Variants in KCNN2 observed in about 807,000 individuals in gnomAD.
KCNN2 encodes potassium calcium-activated channel subfamily N member 2.
Under a neutral mutation model 55.5 loss-of-function variants are expected in KCNN2, and 24 were observed. The ratio of observed to expected loss-of-function variants is 0.43; its 90% CI spans 0.31 to 0.61. The LOEUF is 0.61. Ranked by LOEUF, KCNN2 falls within the 20% of genes least tolerant of loss-of-function variation. The pLI is 0.08. For missense variants in KCNN2, 754 were observed against 853.6 expected (o/e 0.88, Z 1.45); for synonymous variants, 431 against 336.1 (o/e 1.28, Z -3.09).
In KCNN2 at chr5:114,230,718, A is replaced by C. The variant is rs1754342551; in HGVS notation, c.-185+9153A>C. On this transcript the variant is annotated intron_variant, in intron 2 of 10. Coordinates refer to the KCNN2 transcript ENST00000512097. ...TTTGGGTTGGTTCCAAGTCTTTGCT[A>C]TTGTGAATACTGCCGCAATAAACAT... Among the ~76,000 whole-genome samples the C allele has an allele frequency of 7.9e-5, 3 of 37,956 alleles. 1 individual carries two copies. Among genetic ancestry groups the C allele is most frequent in the Non-Finnish European group, 1.7e-4 (3 of 17,632 alleles). The allele number at this position is 37,956 out of a possible 152,430, so 24.9% of individuals were successfully genotyped here.
intron 4 of KCNN2, 100 bp downstream of exon 4, chr5:114,463,290 C>G (rs1048238756): frequency 2.3e-6 from 2 of 875,492 alleles, no homozygotes; most frequent in African/African-American, 1.7e-5. Context: ...ACTTCTTTTC[C>G]CATCAGCAGG....
At chr5:114,258,667 G>T (rs1269097475) in intron 2 of KCNN2, among the ~76,000 whole-genome samples, 1 of 152,146 alleles carries the variant, frequency 6.6e-6, no homozygotes. Context: ...GCCTGATCGG[G>T]CAGGAATGTG....
At chr5:114,454,722 T>C (rs981010878) in intron 3 of KCNN2, among the ~76,000 whole-genome samples, 1 of 152,190 alleles carries the variant, frequency 6.6e-6, no homozygotes, top group Non-Finnish European at 1.5e-5. Context: ...CTATCTCCTG[T>C]GAGTTGTCTG....
At chr5:114,454,539 C>A (rs1270271611) in intron 3 of KCNN2, among the ~76,000 whole-genome samples, 1 of 152,134 alleles carries the variant, frequency 6.6e-6, no homozygotes, top group South Asian at 2.1e-4. Flanking sequence ...GAAAAATATT[C>A]TTTCTCTGTA....
chr5:114,200,651 A>AT (rs1031502768), intron 1 of KCNN2, among the ~76,000 whole-genome samples: 179 of 133,376 alleles, frequency 1.3e-3, no homozygotes, highest in East Asian at 5.7e-3. Context: ...CACTCGTTCC[A>AT]TTTTTTTTTT....
At chr5:114,075,797 A>G (rs1227314053) in intron 1 of KCNN2, among the ~76,000 whole-genome samples, 2 of 152,170 alleles carry the variant, frequency 1.3e-5, no homozygotes, top group African/African-American at 2.4e-5. Flanking sequence ...GTCTTTTGCT[A>G]TGCTGCAGAC....
chr5:114,173,397 T>C (rs1254470596), intron 1 of KCNN2, among the ~76,000 whole-genome samples: 4 of 151,648 alleles, frequency 2.6e-5, no homozygotes, highest in Non-Finnish European at 5.9e-5. Context: ...TTGTTCAGGA[T>C]AGCTTTGGCT....
At chr5:114,274,435 C>T (rs577157134) in intron 2 of KCNN2, among the ~76,000 whole-genome samples, 160 of 152,236 alleles carry the variant, frequency 1.1e-3, no homozygotes, top group African/African-American at 3.8e-3. Flanking sequence ...GCAGTAAGGC[C>T]ATTTTCATGA....
chr5:114,462,080 C>A (rs1761228518), intron 3 of KCNN2, among the ~76,000 whole-genome samples: 1 of 152,122 alleles, frequency 6.6e-6, no homozygotes. Flanking sequence ...AGAGCAGGGC[C>A]TCTCTGCCCC....
At chr5:114,317,869 C>T (rs530856440) in intron 2 of KCNN2, among the ~76,000 whole-genome samples, 7 of 152,338 alleles carry the variant, frequency 4.6e-5, no homozygotes, top group African/African-American at 7.2e-5. Context: ...CCGCAGGCAA[C>T]GTGCCTGCCC....
intron 4 of KCNN2, among the ~76,000 whole-genome samples, chr5:114,466,614 C>T (rs992870633): frequency 2.0e-5 from 3 of 151,860 alleles, no homozygotes; most frequent in Non-Finnish European, 4.4e-5. Flanking sequence ...TAAGGTTGCT[C>T]ATTTGTTCTT....
intron 2 of KCNN2, among the ~76,000 whole-genome samples, chr5:114,235,334 A>C (rs1230904745): frequency 3.9e-5 from 6 of 152,234 alleles, no homozygotes; most frequent in Admixed American, 6.5e-5. Context: ...AATGCAATTA[A>C]GTTTCCATGG....
chr5:114,375,855 C>T (rs1305791358), intron 2 of KCNN2, among the ~76,000 whole-genome samples: 1 of 150,518 alleles, frequency 6.6e-6, no homozygotes, highest in East Asian at 2.0e-4. Context: ...AGCAACAACA[C>T]AATTCAGGGA....
intron 3 of KCNN2, among the ~76,000 whole-genome samples, chr5:114,445,847 A>G (rs934872185): frequency 1.3e-5 from 2 of 152,234 alleles, no homozygotes; most frequent in Non-Finnish European, 2.9e-5. Flanking sequence ...TTTGGAAAGC[A>G]ATGCATCCCA....
intron 2 of KCNN2, among the ~76,000 whole-genome samples, chr5:114,377,680 T>C (rs3112766): frequency 0.14 from 20,890 of 152,110 alleles, 2,430 homozygotes; most frequent in African/African-American, 0.33. Flanking sequence ...GAACTTTGGC[T>C]CTGGATCCAG....
chr5:114,122,876 A>T (rs527310301), intron 1 of KCNN2, among the ~76,000 whole-genome samples: 19 of 152,326 alleles, frequency 1.2e-4, no homozygotes, highest in African/African-American at 4.3e-4. Context: ...AGAACACTGG[A>T]GGAAAGCAAA....
intron 1 of KCNN2, among the ~76,000 whole-genome samples, chr5:114,071,392 T>C (rs2974487): frequency 0.87 from 133,143 of 152,228 alleles, 58,394 homozygotes; most frequent in Non-Finnish European, 0.9. Context: ...ATTGTTCATT[T>C]TCACTTTGAA....
intron 1 of KCNN2, among the ~76,000 whole-genome samples, chr5:114,218,732 G>A (rs1738439976): frequency 6.6e-6 from 1 of 152,188 alleles, no homozygotes; most frequent in Non-Finnish European, 1.5e-5. Context: ...ATGGACTTCG[G>A]GTGATAATGA....
intron 2 of KCNN2, among the ~76,000 whole-genome samples, chr5:114,383,290 G>A (rs149571627): frequency 9.6e-4 from 146 of 152,164 alleles, no homozygotes; most frequent in African/African-American, 3.3e-3. Flanking sequence ...TCTCATTCAT[G>A]TAGTATTTGG....
Sources: gnomAD v4.1 joint callset for allele counts (sites outside exome capture counted in the v4.1 genomes callset) on GRCh38, gnomAD v4.1.1 for gene constraint, MANE v1.5 for transcripts, NCBI Gene and HGNC (gene_info 2026-07-23, HGNC 2026-07-21) for gene names.